SORCS1: variants seen among roughly 807,000 people sequenced by gnomAD.
The protein encoded by SORCS1 is VPS10 domain-containing receptor SorCS1.
In SORCS1, 60 loss-of-function variants were observed where a neutral mutation model predicts 146.1. That is an observed-to-expected ratio of 0.41 (90% CI 0.33 to 0.51). SORCS1 has a LOEUF of 0.51. Among genes scored for constraint, SORCS1 ranks in the 20% least tolerant of loss-of-function variants. SORCS1 has a pLI of 0.21. For missense variants in SORCS1, 1,352 were observed against 1,487.6 expected (o/e 0.91, Z 1.50); for synonymous variants, 637 against 584.0 (o/e 1.09, Z -1.31).
chr10:107,089,315 G>T (rs1963997478), intron 1 of SORCS1, among the ~76,000 whole-genome samples: 1 of 152,098 alleles, frequency 6.6e-6, no homozygotes, highest in Non-Finnish European at 1.5e-5. Flanking sequence ...TGTTTATGGG[G>T]TAAACAAAAA....
intron 25 of SORCS1, chr10:106,577,781 C>G: frequency 1.4e-6 from 1 of 729,142 alleles, no homozygotes; most frequent in Non-Finnish European, 1.9e-6. Flanking sequence ...GTGAATGCTT[C>G]TCTGGACTTG....
At chr10:106,681,639 A>T (rs1342594109) in intron 10 of SORCS1, among the ~76,000 whole-genome samples, 1 of 152,194 alleles carries the variant, frequency 6.6e-6, no homozygotes, top group African/African-American at 2.4e-5. Context: ...GAAGTAGACT[A>T]CTGCTTGCGG....
intron 3 of SORCS1, among the ~76,000 whole-genome samples, chr10:106,825,620 C>T (rs959069596): frequency 1.3e-5 from 2 of 151,930 alleles, no homozygotes; most frequent in Non-Finnish European, 2.9e-5. Context: ...TTCCCATCAC[C>T]TTCTGCATCC....
At chr10:106,990,868 T>C (rs927025008) in intron 1 of SORCS1, among the ~76,000 whole-genome samples, 9 of 152,102 alleles carry the variant, frequency 5.9e-5, no homozygotes, top group African/African-American at 9.7e-5. Flanking sequence ...AGAAAATGTA[T>C]AAATACTTCT....
At chr10:106,607,021 A>G in intron 23 of SORCS1, 145 bp downstream of exon 23, 2 of 1,084,258 alleles carry the variant, frequency 1.8e-6, no homozygotes, top group Non-Finnish European at 2.7e-6. Flanking sequence ...ACAGACTAAT[A>G]CACCTACCAT....
At chr10:107,001,590 T>C (rs1448736442) in intron 1 of SORCS1, among the ~76,000 whole-genome samples, 1 of 152,108 alleles carries the variant, frequency 6.6e-6, no homozygotes, top group African/African-American at 2.4e-5. Context: ...CAGCCTCCCA[T>C]GTAGTTGGGA....
chr10:106,795,835 C>T (rs1300157110), intron 3 of SORCS1, among the ~76,000 whole-genome samples: 1 of 152,130 alleles, frequency 6.6e-6, no homozygotes, highest in South Asian at 2.1e-4. Context: ...GAATGAGATA[C>T]GGGGTCCATC....
Position 107,164,480 on chromosome 10 carries a change from G to A in SORCS1, c.47C>T (p.Ala16Val). 2.2e-6 allele frequency: 3 copies of A among 1,363,454 alleles called. No individual in the cohort carries two copies. The highest frequency in any genetic ancestry group is 1.5e-5 in the African/African-American group (1 of 65,028). The allele number at this position is 1,363,454 out of a possible 1,614,324, so 84.5% of individuals were successfully genotyped here. Residue 16 changes from alanine (A) to valine (V), a missense_variant, in exon 1 of 26, where the codon GCG becomes GTG. By Grantham distance (64) the Ala-to-Val change is moderately conservative. Around this residue, in one of 3 missense-constraint regions of SORCS1, gnomAD observed 490 missense variants for 489.1 expected, o/e 1.00. Transcript: ENST00000263054. The surrounding 1 kb of genome is among the most constrained non-coding windows in gnomAD (Gnocchi z 6.8). ...AGGGSQARLS[A>V]LLAGAGLLIL... The stretch of plus-strand genomic sequence containing the variant: ...CAAGAGCCCCGCGCCGGCGAGGAGC[G>A]CGCTCAGCCGGGCTTGGGAGCCGCC...
intron 2 of SORCS1, among the ~76,000 whole-genome samples, chr10:106,948,530 C>G (rs1457869036): frequency 6.6e-6 from 1 of 151,854 alleles, no homozygotes; most frequent in Admixed American, 6.6e-5. Flanking sequence ...AAAAATTAAT[C>G]TGGCACAGTG....
intron 1 of SORCS1, among the ~76,000 whole-genome samples, chr10:107,004,529 T>C (rs948772676): frequency 4.6e-5 from 7 of 152,160 alleles, no homozygotes; most frequent in Non-Finnish European, 1.0e-4. Context: ...GACTTATTCA[T>C]ACTGTTCTCA....
At position 106,894,410 on chromosome 10, in the gene SORCS1, C is replaced by T. The variant is rs543264488; in HGVS notation, c.626+62103G>A. On this transcript the variant is annotated intron_variant, in intron 2 of 25. Transcript: ENST00000263054. ...TTTTCTTTTTTTAAAGACATTAGTT[C>T]CAATCCATGTTGACAGCAGTCTAAA... Among the ~76,000 whole-genome samples the T allele has an allele frequency of 1.2e-3, 179 of 151,872 alleles. 1 individual carries two copies. The highest frequency in any genetic ancestry group is 4.3e-3 in the African/African-American group (178 of 41,418).
chr10:106,693,115 A>G (rs2067790818), intron 9 of SORCS1, among the ~76,000 whole-genome samples: 2 of 152,154 alleles, frequency 1.3e-5, no homozygotes, highest in Non-Finnish European at 2.9e-5. Flanking sequence ...AATATATCTC[A>G]TTATATATAT....
At chr10:106,606,393 C>A (rs1846595455) in intron 23 of SORCS1, among the ~76,000 whole-genome samples, 1 of 151,904 alleles carries the variant, frequency 6.6e-6, no homozygotes, top group Non-Finnish European at 1.5e-5. Context: ...TGCTCGGGAG[C>A]TAATGTTACT....
intron 2 of SORCS1, among the ~76,000 whole-genome samples, chr10:106,859,687 G>T (rs943201074): frequency 6.6e-6 from 1 of 152,064 alleles, no homozygotes. Context: ...GTCACTACCG[G>T]CCAATATCCC....
chr10:106,810,369 A>C (rs1025169600), intron 3 of SORCS1, among the ~76,000 whole-genome samples: 4 of 152,180 alleles, frequency 2.6e-5, no homozygotes, highest in African/African-American at 7.2e-5. Flanking sequence ...TTATTCCCAA[A>C]TTTGTTTTTT....
rs375868317 is a variant in SORCS1 at position 106,699,714 on chromosome 10, TG to T, written c.1234-322del. On this transcript the variant is annotated intron_variant, in intron 8 of 25. Transcript: ENST00000263054. ...GGAGAATCAAGCATCCTGATATTTT[TG>T]CCAAGCACAAATATGATACTTGCTC... Among the ~76,000 whole-genome samples the T allele has an allele frequency of 9.1e-4, 139 of 152,258 alleles. 1 individual carries two copies. The highest frequency in any genetic ancestry group is 3.2e-3 in the African/African-American group (132 of 41,554).
At chr10:106,918,161 C>A (rs7069787) in intron 2 of SORCS1, among the ~76,000 whole-genome samples, 6,699 of 152,084 alleles carry the variant, frequency 0.044, 456 homozygotes, top group African/African-American at 0.14. Context: ...AAAGACATTT[C>A]TTTTTATTTT....
At chr10:106,841,596 T>A (rs1027637037) in intron 2 of SORCS1, among the ~76,000 whole-genome samples, 5 of 152,212 alleles carry the variant, frequency 3.3e-5, no homozygotes, top group African/African-American at 1.2e-4. Flanking sequence ...ATTCATTCAC[T>A]TGCTTTATTG....
Position 106,699,283 on chromosome 10 carries a change from G to A in SORCS1, c.1344C>T (p.Phe448=), listed in dbSNP as rs1564872118. Residue 448 remains phenylalanine (F), a synonymous_variant, in exon 9 of 26, where the codon TTC becomes TTT. Coordinates refer to ENST00000263054, the MANE Select transcript of SORCS1 (RefSeq NM_052918.5). ...LYISDTRGVY[F]TLALENVQSS... Reference sequence around the variant, plus strand: ...TCTGGACATTCTCCAAGGCCAGGGTGAAGTAGACACCACGTGTGTCTGAGA... The same window carrying A: ...TCTGGACATTCTCCAAGGCCAGGGTAAAGTAGACACCACGTGTGTCTGAGA... The A allele has an allele frequency of 6.2e-7, 1 of 1,614,048 alleles. No homozygotes were observed. Among genetic ancestry groups the A allele is most frequent in the Non-Finnish European group, 8.5e-7 (1 of 1,179,930 alleles).
Sources: allele counts gnomAD v4.1 joint callset (sites outside exome capture counted in the v4.1 genomes callset), GRCh38; gene constraint gnomAD v4.1.1; regional missense constraint gnomAD v4.1.1; non-coding constraint Gnocchi (gnomAD v3.1); transcripts MANE v1.5; gene names NCBI Gene and HGNC (gene_info 2026-07-23, HGNC 2026-07-21).